IL1RAPL2: variants seen among roughly 807,000 people sequenced by gnomAD.
IL1RAPL2 encodes the protein X-linked interleukin-1 receptor accessory protein-like 2.
A neutral mutation model predicts 44.1 loss-of-function variants in IL1RAPL2; 3 were observed. That is an observed-to-expected ratio of 0.07 (90% CI 0.03 to 0.18). IL1RAPL2 has a LOEUF of 0.18. Among genes scored for constraint, IL1RAPL2 ranks in the 10% least tolerant of loss-of-function variants. The pLI is 1.00. For synonymous variants in IL1RAPL2, 181 were observed against 178.8 expected (o/e 1.01, Z -0.10); for missense variants, 391 against 496.4 (o/e 0.79, Z 2.02).
intron 6 of IL1RAPL2, among the ~76,000 whole-genome samples, chrX:105,572,162 C>T (rs1187645190): frequency 9.0e-6 from 1 of 111,389 alleles, no homozygotes; most frequent in African/African-American, 3.3e-5. Flanking sequence ...CCCGACATGT[C>T]CAATATGTAT....
chrX:105,100,053 T>G (rs2032652747), intron 2 of IL1RAPL2, among the ~76,000 whole-genome samples: 1 of 111,711 alleles, frequency 9.0e-6, no homozygotes, highest in Non-Finnish European at 1.9e-5. Flanking sequence ...GAGAGAAAAA[T>G]AGAATACATT....
chrX:105,532,840 T>TATATACATACACCTCTAG (rs2036647822), intron 6 of IL1RAPL2, among the ~76,000 whole-genome samples: 1 of 111,615 alleles, frequency 9.0e-6, no homozygotes, highest in Non-Finnish European at 1.9e-5. Flanking sequence ...AGGTATTTCA[T>TATATACATACACCTCTAG]ATATACATAC....
At chrX:105,101,332 T>TAAGG (rs1319203813) in intron 2 of IL1RAPL2, among the ~76,000 whole-genome samples, 1 of 111,971 alleles carries the variant, frequency 8.9e-6, no homozygotes, top group Non-Finnish European at 1.9e-5. Flanking sequence ...AACCCTAAAG[T>TAAGG]AAGGACAAGA....
intron 2 of IL1RAPL2, among the ~76,000 whole-genome samples, chrX:105,149,863 T>C (rs1315379391): frequency 9.1e-6 from 1 of 109,913 alleles, no homozygotes; most frequent in Non-Finnish European, 1.9e-5. Context: ...AATAAATAAA[T>C]AATACAAATA....
chrX:105,442,794 G>T (rs2035929762), intron 5 of IL1RAPL2, among the ~76,000 whole-genome samples: 1 of 112,309 alleles, frequency 8.9e-6, no homozygotes, highest in South Asian at 3.7e-4. Context: ...TCTTCATACA[G>T]GCTGGGCATG....
intron 8 of IL1RAPL2, among the ~76,000 whole-genome samples, chrX:105,745,119 C>T (rs745707381): frequency 2.7e-5 from 3 of 111,376 alleles, no homozygotes; most frequent in Non-Finnish European, 5.6e-5. Flanking sequence ...CTGGTAGGGG[C>T]CTGTTCCTCA....
At chrX:105,173,116 C>G (rs2033439350) in intron 2 of IL1RAPL2, among the ~76,000 whole-genome samples, 1 of 110,675 alleles carries the variant, frequency 9.0e-6, no homozygotes, top group Admixed American at 9.6e-5. Context: ...TAAGATTTTC[C>G]CATCCCCAAG....
intron 8 of IL1RAPL2, among the ~76,000 whole-genome samples, chrX:105,747,531 T>C (rs1213903339): frequency 2.3e-5 from 2 of 85,838 alleles, no homozygotes; most frequent in Non-Finnish European, 4.5e-5. Context: ...TATATATATA[T>C]ATATACACAC....
At chrX:104,851,339 A>G (rs757097720) in intron 2 of IL1RAPL2, among the ~76,000 whole-genome samples, 1 of 112,384 alleles carries the variant, frequency 8.9e-6, no homozygotes, top group Admixed American at 9.4e-5. Flanking sequence ...TGAATTTACC[A>G]GAAAATAAAT....
chrX:104,572,776 T>C (rs752402328), intron 1 of IL1RAPL2, among the ~76,000 whole-genome samples: 2,449 of 109,308 alleles, frequency 0.022, 55 homozygotes, highest in African/African-American at 0.079. Context: ...ATTTTTGTAT[T>C]TTTTTTTGTA....
chrX:105,678,339 G>GTGTT (rs1427903601), intron 6 of IL1RAPL2, among the ~76,000 whole-genome samples: 1 of 111,900 alleles, frequency 8.9e-6, no homozygotes, highest in Non-Finnish European at 1.9e-5. Flanking sequence ...TATTTCCTTT[G>GTGTT]TGTTACAAAC....
intron 2 of IL1RAPL2, among the ~76,000 whole-genome samples, chrX:105,040,164 T>C (rs1229492059): frequency 9.0e-6 from 1 of 111,655 alleles, no homozygotes; most frequent in African/African-American, 3.3e-5. Flanking sequence ...TTTGGTTCTG[T>C]TTATATGCTG....
chrX:105,226,193 CCTAT>C (rs1251915933), intron 3 of IL1RAPL2, among the ~76,000 whole-genome samples: 6 of 109,929 alleles, frequency 5.5e-5, no homozygotes, highest in Non-Finnish European at 1.1e-4. Context: ...TTTGTATTAT[CCTAT>C]GGGAATTGAG....
chrX:105,209,736 T>C (rs2033792892), intron 3 of IL1RAPL2, among the ~76,000 whole-genome samples: 1 of 111,981 alleles, frequency 8.9e-6, no homozygotes, highest in Non-Finnish European at 1.9e-5. Flanking sequence ...AAAACTTTAA[T>C]AGGCATAACA....
At chrX:105,374,300 A>T (rs1372431295) in intron 5 of IL1RAPL2, among the ~76,000 whole-genome samples, 1 of 109,005 alleles carries the variant, frequency 9.2e-6, no homozygotes, top group African/African-American at 3.3e-5. Context: ...TTTGTTTAGG[A>T]TTTCCTTGGC....
intron 6 of IL1RAPL2, among the ~76,000 whole-genome samples, chrX:105,514,795 A>G (rs1375034220): frequency 3.6e-5 from 4 of 111,902 alleles, no homozygotes; most frequent in African/African-American, 1.3e-4. Context: ...CTTTCTAAGG[A>G]CCAGCAGCAT....
intron 2 of IL1RAPL2, among the ~76,000 whole-genome samples, chrX:104,759,035 G>C (rs779408248): frequency 8.9e-6 from 1 of 112,547 alleles, no homozygotes; most frequent in Non-Finnish European, 1.9e-5. Context: ...TGTACACACA[G>C]AACACATGTT....
chrX:105,290,363 A>G (rs2034603547), intron 5 of IL1RAPL2, among the ~76,000 whole-genome samples: 3 of 111,661 alleles, frequency 2.7e-5, no homozygotes, highest in South Asian at 7.5e-4. Context: ...GGGAACCCAG[A>G]ACTCATCTTG....
At chrX:105,399,588 TAATAA>T (rs1353447711) in intron 5 of IL1RAPL2, among the ~76,000 whole-genome samples, 1 of 111,283 alleles carries the variant, frequency 9.0e-6, no homozygotes, top group Non-Finnish European at 1.9e-5. Context: ...GTCTGGCATA[TAATAA>T]AATATTCAAT....
Sources: gnomAD v4.1 joint callset for allele counts (sites outside exome capture counted in the v4.1 genomes callset) on GRCh38, gnomAD v4.1.1 for gene constraint, MANE v1.5 for transcripts, NCBI Gene and HGNC (gene_info 2026-07-23, HGNC 2026-07-21) for gene names.